CDH12: variants seen among roughly 807,000 people sequenced by gnomAD.
CDH12 encodes cadherin-12.
CDH12 carries 41 observed loss-of-function variants against 74.1 expected under a neutral mutation model. The observed-to-expected ratio is 0.55, with a 90% CI of 0.43 to 0.72. CDH12 has a LOEUF of 0.72. CDH12 is among the 30% of genes least tolerant of loss of function. The pLI is 0.00. For synonymous variants in CDH12, 399 were observed against 355.0 expected, an observed-to-expected ratio of 1.12 and a Z score of -1.39; for missense variants, 945 against 977.2, an observed-to-expected ratio of 0.97 and a Z score of 0.44.
In CDH12 at chr5:22,678,245, G is replaced by T. The variant is rs188803539; in HGVS notation, c.-522-172881C>A. Among the ~76,000 whole-genome samples, 69 of 152,154 alleles carry T rather than the reference G, an allele frequency of 4.5e-4. 1 individual carries two copies. Among genetic ancestry groups the T allele is most frequent in the Non-Finnish European group, 3.1e-4 (21 of 67,984 alleles). Reference sequence around the variant, plus strand: ...GTTTCTTAGATGCTAAACTCTTAGTGTGCACAGGAGCATGTTCTATACACA... The same window carrying T: ...GTTTCTTAGATGCTAAACTCTTAGTTTGCACAGGAGCATGTTCTATACACA... On this transcript the variant is annotated intron_variant, in intron 1 of 14. Coordinates refer to ENST00000382254, the MANE Select transcript of CDH12 (RefSeq NM_004061.5).
chr5:22,379,970 G>A (rs144889911), intron 3 of CDH12, among the ~76,000 whole-genome samples: 1,770 of 151,972 alleles, frequency 0.012, 10 homozygotes, highest in Middle Eastern at 0.037. Context: ...TTTTACCTAG[G>A]CTGGTTTCAA....
At chr5:22,786,517 A>G (rs1223875098) in intron 1 of CDH12, among the ~76,000 whole-genome samples, 2 of 152,072 alleles carry the variant, frequency 1.3e-5, no homozygotes, top group African/African-American at 4.8e-5. Context: ...TTTTGCTTCT[A>G]TGTGACTGAC....
intron 3 of CDH12, among the ~76,000 whole-genome samples, chr5:22,391,513 T>G (rs1373043003): frequency 6.6e-6 from 1 of 152,182 alleles, no homozygotes; most frequent in African/African-American, 2.4e-5. Flanking sequence ...TTGCCCCACA[T>G]AAATCAGAGG....
At chr5:21,925,358 G>A (rs1754540432) in intron 6 of CDH12, among the ~76,000 whole-genome samples, 1 of 152,302 alleles carries the variant, frequency 6.6e-6, no homozygotes, top group East Asian at 1.9e-4. Flanking sequence ...TTAAGTCAAT[G>A]AATAGAAAAT....
intron 3 of CDH12, among the ~76,000 whole-genome samples, chr5:22,237,168 C>T (rs1752588219): frequency 6.6e-6 from 1 of 152,064 alleles, no homozygotes; most frequent in African/African-American, 2.4e-5. Context: ...GTCATGTGCA[C>T]ACTACAACAT....
intron 11 of CDH12, among the ~76,000 whole-genome samples, chr5:21,777,349 C>A (rs1340666139): frequency 6.6e-6 from 1 of 151,986 alleles, no homozygotes; most frequent in Non-Finnish European, 1.5e-5. Context: ...TTCTAAAATG[C>A]AAATTTCTAT....
intron 2 of CDH12, among the ~76,000 whole-genome samples, chr5:22,497,993 C>T (rs756043309): frequency 5.3e-5 from 8 of 152,008 alleles, no homozygotes; most frequent in Non-Finnish European, 4.4e-5. Context: ...TACAAGTTTC[C>T]ATCACACTGG....
At chr5:22,331,131 C>T (rs1056888072) in intron 3 of CDH12, among the ~76,000 whole-genome samples, 1 of 152,198 alleles carries the variant, frequency 6.6e-6, no homozygotes, top group African/African-American at 2.4e-5. Context: ...CAGATTAGCC[C>T]CAGTAAAATA....
At chr5:21,769,495 T>C (rs1745207795) in intron 11 of CDH12, among the ~76,000 whole-genome samples, 1 of 152,148 alleles carries the variant, frequency 6.6e-6, no homozygotes, top group Non-Finnish European at 1.5e-5. Flanking sequence ...TTAATTACCC[T>C]TCTATACTCA....
chr5:22,180,693 G>T (rs1749595078), intron 4 of CDH12, among the ~76,000 whole-genome samples: 3 of 151,614 alleles, frequency 2.0e-5, no homozygotes, highest in African/African-American at 7.3e-5. Flanking sequence ...TAGAGACGGG[G>T]TTTTGCCATG....
chr5:21,757,657 T>C (rs1744477215), intron 13 of CDH12, among the ~76,000 whole-genome samples: 1 of 152,158 alleles, frequency 6.6e-6, no homozygotes, highest in East Asian at 1.9e-4. Flanking sequence ...GTCTAGTCCA[T>C]GAGAAAGCAC....
At chr5:22,549,690 G>T (rs1054057964) in intron 1 of CDH12, among the ~76,000 whole-genome samples, 2 of 152,068 alleles carry the variant, frequency 1.3e-5, no homozygotes, top group Non-Finnish European at 2.9e-5. Context: ...TTCATAATTT[G>T]TACTGTTCTT....
intron 6 of CDH12, among the ~76,000 whole-genome samples, chr5:21,920,768 G>C (rs753284133): frequency 3.3e-4 from 50 of 152,048 alleles, no homozygotes; most frequent in Non-Finnish European, 6.0e-4. Flanking sequence ...TTAGGATGCT[G>C]TTGTCACAAA....
intron 3 of CDH12, among the ~76,000 whole-genome samples, chr5:22,277,841 CAACAACA>C (rs1204110468): frequency 1.3e-5 from 2 of 152,058 alleles, no homozygotes; most frequent in Non-Finnish European, 2.9e-5. Flanking sequence ...TCTCAAACAA[CAACAACA>C]AACAACAAAC....
intron 7 of CDH12, 136 bp from the exon 8 acceptor site, chr5:21,842,464 A>G (rs1028808265): frequency 1.0e-5 from 6 of 594,008 alleles, no homozygotes; most frequent in Non-Finnish European, 1.7e-5. Context: ...GTATCTTTTA[A>G]AAAGTGAGAC....
chr5:22,465,577 T>C (rs964576171), intron 2 of CDH12, among the ~76,000 whole-genome samples: 19 of 152,016 alleles, frequency 1.2e-4, no homozygotes, highest in Non-Finnish European at 2.6e-4. Flanking sequence ...GCCGAGGAGA[T>C]CAAGGCTGCA....
chr5:22,737,193 AT>A (rs1284178551), intron 1 of CDH12, among the ~76,000 whole-genome samples: 3 of 151,916 alleles, frequency 2.0e-5, no homozygotes, highest in African/African-American at 7.2e-5. Flanking sequence ...TTTTGTGTGT[AT>A]TATTCTATAT....
chr5:22,281,573 C>T (rs1046064427), intron 3 of CDH12, among the ~76,000 whole-genome samples: 8 of 152,108 alleles, frequency 5.3e-5, no homozygotes, highest in Non-Finnish European at 1.0e-4. Context: ...TTTCTATACA[C>T]AAATAATAGA....
intron 1 of CDH12, among the ~76,000 whole-genome samples, chr5:22,599,010 A>G (rs1054343457): frequency 6.6e-6 from 1 of 152,136 alleles, no homozygotes; most frequent in African/African-American, 2.4e-5. Flanking sequence ...GCCGTATTGC[A>G]TGCCTTATTA....
Sources: gnomAD v4.1 joint callset for allele counts (sites outside exome capture counted in the v4.1 genomes callset) on GRCh38, gnomAD v4.1.1 for gene constraint, MANE v1.5 for transcripts, NCBI Gene and HGNC (gene_info 2026-07-23, HGNC 2026-07-21) for gene names.